WASHC4: variants seen among roughly 807,000 people sequenced by gnomAD.
WASHC4 encodes WASH complex subunit 4, also known as WASH complex subunit 7.
WASHC4 carries 86 observed loss-of-function variants against 166.6 expected under a neutral mutation model. That is an observed-to-expected ratio of 0.52 (90% CI 0.43 to 0.62). The LOEUF (loss-of-function observed/expected upper bound fraction) is 0.62, where lower values mean the gene tolerates loss of function less well. Ranked by LOEUF, WASHC4 falls within the 20% of genes least tolerant of loss-of-function variation. The pLI, the probability that WASHC4 is intolerant of heterozygous loss-of-function variation, is 0.00. For synonymous variants in WASHC4, 446 were observed against 451.6 expected (o/e 0.99, Z 0.16); for missense variants, 1,262 against 1,382.4 (o/e 0.91, Z 1.38).
At chr12:105,147,644 G>A (rs914239774) in intron 24 of WASHC4, 56 of 960,820 alleles carry the variant, frequency 5.8e-5, no homozygotes, top group Non-Finnish European at 6.7e-5. Context: ...GGTGGCTCAC[G>A]CTTGTAATCC....
intron 15 of WASHC4, 142 bp from the exon 16 acceptor site, chr12:105,140,152 T>G: frequency 3.0e-6 from 2 of 662,676 alleles, no homozygotes; most frequent in Non-Finnish European, 2.7e-6. Flanking sequence ...ATTACAGGCG[T>G]GAGCCACCAC....
chr12:105,118,651 A>G, intron 7 of WASHC4, 123 bp downstream of exon 7: 3 of 720,294 alleles, frequency 4.2e-6, no homozygotes, highest in Non-Finnish European at 7.6e-6. Flanking sequence ...ATGATATTTC[A>G]AACACTACTT....
intron 10 of WASHC4, among the ~76,000 whole-genome samples, chr12:105,124,675 T>G (rs926536486): frequency 6.6e-6 from 1 of 152,042 alleles, no homozygotes; most frequent in East Asian, 1.9e-4. Context: ...GAGACGAGGT[T>G]TCACCATGTT....
At chr12:105,157,960 T>G (rs138555359) in intron 28 of WASHC4, among the ~76,000 whole-genome samples, 118 of 152,294 alleles carry the variant, frequency 7.7e-4, no homozygotes, top group African/African-American at 2.3e-3. Flanking sequence ...CTGTATGTTT[T>G]ATTCACACTT....
intron 15 of WASHC4, among the ~76,000 whole-genome samples, chr12:105,139,437 A>G (rs866876825): frequency 0.074 from 9,138 of 123,696 alleles, 1,098 homozygotes; most frequent in African/African-American, 0.24. Context: ...ATATATATAT[A>G]TATATATATA....
In WASHC4 at chr12:105,152,379, A is replaced by G. The variant is rs1460906300; in HGVS notation, c.2686A>G (p.Ile896Val). ...TAGAGCAGAAAAATTCAATCGAGGCATCAGAAAACTTGGAGTAACACCTGA... is the reference window on the plus strand; with the variant it reads ...TAGAGCAGAAAAATTCAATCGAGGCGTCAGAAAACTTGGAGTAACACCTGA... ...FDRAEKFNRG[I>V]RKLGVTPEGQ... The change falls in exon 26 of 33, where the codon ATC (isoleucine) becomes GTC (valine). Residue 896 changes from isoleucine to valine, a missense_variant. By Grantham distance (29) the Ile-to-Val change is conservative (BLOSUM62 3). Coordinates refer to ENST00000332180, the MANE Select transcript of WASHC4 (RefSeq NM_015275.3). 2 of 1,604,776 alleles carry G rather than the reference A, an allele frequency of 1.2e-6. No individual in the cohort carries two copies. Among genetic ancestry groups the G allele is most frequent in the South Asian group, 1.1e-5 (1 of 90,884 alleles).
chr12:105,157,325 A>G lies in WASHC4; in HGVS notation c.2912+3A>G. 1 of 1,498,838 alleles carries G rather than the reference A, an allele frequency of 6.7e-7. No individual in the cohort carries two copies. The highest frequency in any genetic ancestry group is 9.2e-7 in the Non-Finnish European group (1 of 1,082,532). 92.8% of individuals were successfully genotyped at this position (1,498,838 alleles called of 1,614,324 possible). A position where few individuals can be genotyped will look rare whatever the true frequency, so the allele number is the denominator to read the frequency against. On this transcript the variant is annotated splice_donor_region_variant and intron_variant, in intron 28 of 32. Transcript: ENST00000332180. The stretch of plus-strand genomic sequence containing the variant: ...GAAGAAACATTAAAAGCAGCAAGGT[A>G]ATCTAAATTTGGAAATATAAAAAAG...
At position 105,144,441 on chromosome 12, in the gene WASHC4, T is replaced by C; in HGVS notation, c.2165T>C (p.Phe722Ser). 1 of 1,613,348 alleles carries C rather than the reference T, an allele frequency of 6.2e-7. No individual in the cohort carries two copies. ...AATCCAATTCGGTTTTTCAATCGTTTCATTGACATTCGGGGTGAGTGTTTT... is the reference window on the plus strand; with the variant it reads ...AATCCAATTCGGTTTTTCAATCGTTCCATTGACATTCGGGGTGAGTGTTTT... The part of the protein sequence containing the change: ...SLNPIRFFNR[F>S]IDIRAYVTHY... The change falls in exon 21 of 33, where the codon TTC (phenylalanine) becomes TCC (serine). Residue 722 changes from phenylalanine to serine, a missense_variant. Phe to Ser is a radical substitution (Grantham distance 155). Coordinates refer to ENST00000332180, the MANE Select transcript of WASHC4 (RefSeq NM_015275.3).
chr12:105,148,989 T>G (rs1411488674), intron 24 of WASHC4: 1 of 983,658 alleles, frequency 1.0e-6, no homozygotes, highest in Admixed American at 6.1e-5. Context: ...GTACTTAACA[T>G]TCTGAGAAAT....
At chr12:105,145,071 G>A (rs943630969) in intron 22 of WASHC4, among the ~76,000 whole-genome samples, 199 bp downstream of exon 22, 11 of 151,182 alleles carry the variant, frequency 7.3e-5, no homozygotes, top group African/African-American at 2.4e-4. Context: ...TACCACCGGG[G>A]TCCTGCTTAT....
At chr12:105,142,193 A>G (rs1882923041) in intron 18 of WASHC4, among the ~76,000 whole-genome samples, 1 of 152,172 alleles carries the variant, frequency 6.6e-6, no homozygotes. Context: ...TTTGAATATT[A>G]TGCATATCAT....
intron 18 of WASHC4, 83 bp from the exon 19 acceptor site, chr12:105,142,370 C>G (rs1882944118): frequency 1.2e-6 from 1 of 809,570 alleles, no homozygotes; most frequent in Non-Finnish European, 2.2e-6. Flanking sequence ...TGGAACTCTT[C>G]CTTCTGTAGT....
At chr12:105,139,358 G>A (rs1032363343) in intron 15 of WASHC4, among the ~76,000 whole-genome samples, 3 of 146,354 alleles carry the variant, frequency 2.0e-5, no homozygotes, top group Middle Eastern at 3.7e-3. Flanking sequence ...TATGTGTTAC[G>A]TATATGTTCA....
intron 13 of WASHC4, among the ~76,000 whole-genome samples, chr12:105,130,999 TC>T (rs1393569183): frequency 6.6e-6 from 1 of 152,222 alleles, no homozygotes; most frequent in Non-Finnish European, 1.5e-5. Context: ...ATAGGACACT[TC>T]ACGATTTTTG....
Position 105,167,152 on chromosome 12 carries a change from G to A in WASHC4, c.*221G>A, listed in dbSNP as rs944901962. On this transcript the variant is annotated 3_prime_UTR_variant, in exon 33 of 33. Transcript: ENST00000332180. ...AGATTTTAAAATTGGATTTTTGCCTGGACTTGAGGGTACAAGATGTTTCTA... is the reference window on the plus strand; with the variant it reads ...AGATTTTAAAATTGGATTTTTGCCTAGACTTGAGGGTACAAGATGTTTCTA... 3.9e-6 allele frequency: 2 copies of A among 514,058 alleles called. No homozygotes were observed. Among genetic ancestry groups the A allele is most frequent in the Non-Finnish European group, 3.5e-6 (1 of 285,478 alleles). The allele number at this position is 514,058 out of a possible 1,614,324, so 31.8% of individuals were successfully genotyped here.
chr12:105,154,293 T>C (rs1883983963), intron 26 of WASHC4, among the ~76,000 whole-genome samples: 1 of 152,208 alleles, frequency 6.6e-6, no homozygotes, highest in Admixed American at 6.5e-5. Context: ...TGTCCCAAAG[T>C]GCTGGGATTA....
chr12:105,109,480 C>T (rs755715524), intron 1 of WASHC4, among the ~76,000 whole-genome samples: 2 of 152,088 alleles, frequency 1.3e-5, no homozygotes, highest in Admixed American at 6.6e-5. Flanking sequence ...TAAAAAATTA[C>T]CATGTAGTTC....
intron 25 of WASHC4, among the ~76,000 whole-genome samples, chr12:105,151,654 G>A (rs1209819162): frequency 6.6e-6 from 1 of 151,970 alleles, no homozygotes; most frequent in Non-Finnish European, 1.5e-5. Flanking sequence ...GCTAATTTTA[G>A]TATTTTTAGT....
intron 32 of WASHC4, among the ~76,000 whole-genome samples, chr12:105,165,806 TAAAC>T (rs988751554): frequency 2.6e-5 from 4 of 152,170 alleles, no homozygotes; most frequent in African/African-American, 9.7e-5. Context: ...CTAGACTAAA[TAAAC>T]ATGCTTGAAA....
Sources: allele counts gnomAD v4.1 joint callset (sites outside exome capture counted in the v4.1 genomes callset), GRCh38; gene constraint gnomAD v4.1.1; transcripts MANE v1.5; gene names NCBI Gene and HGNC (gene_info 2026-07-23, HGNC 2026-07-21).